The following SFMBT2 variants were observed in gnomAD, a reference collection of about 807,000 sequenced individuals.
The protein encoded by SFMBT2 is scm-like with four MBT domains protein 2.
SFMBT2 carries 38 observed loss-of-function variants against 110.1 expected under a neutral mutation model. That is an observed-to-expected ratio of 0.35 (90% CI 0.27 to 0.45). The LOEUF (loss-of-function observed/expected upper bound fraction) is 0.45, where lower values mean the gene tolerates loss of function less well. Among genes scored for constraint, SFMBT2 ranks in the 20% least tolerant of loss-of-function variants. The probability of loss-of-function intolerance (pLI) is 1.00; values close to 1 mark genes in which losing one functional copy is unlikely to be tolerated. For synonymous variants in SFMBT2, 425 were observed against 425.4 expected, an observed-to-expected ratio of 1.00 and a Z score of 0.01; for missense variants, 1,011 against 1,094.9, an observed-to-expected ratio of 0.92 and a Z score of 1.08.
intron 4 of SFMBT2, among the ~76,000 whole-genome samples, chr10:7,365,326 T>C (rs1325238417): frequency 6.6e-6 from 1 of 152,236 alleles, no homozygotes; most frequent in African/African-American, 2.4e-5. Flanking sequence ...GCGCACGTGC[T>C]TCCTCCTTTC....
chr10:7,359,016 C>T (rs1215383615), intron 4 of SFMBT2, among the ~76,000 whole-genome samples: 3 of 152,218 alleles, frequency 2.0e-5, no homozygotes, highest in Non-Finnish European at 4.4e-5. Context: ...GTGGGAGAAG[C>T]TCCCCAGTCC....
rs376337561 is a variant in SFMBT2 at position 7,214,779 on chromosome 10, ATTAT to A, written c.1330+5628_1330+5631del. The A allele has an allele frequency of 2.5e-5, 25 of 984,872 alleles. No homozygotes were observed. In the African/African-American group the frequency reaches 3.5e-4, roughly 14 times the overall value. 61.0% of individuals were successfully genotyped at this position (984,872 alleles called of 1,614,324 possible). A position where few individuals can be genotyped will look rare whatever the true frequency, so the allele number is the denominator to read the frequency against. On this transcript the variant is annotated intron_variant, in intron 11 of 20. Coordinates refer to ENST00000397167, the MANE Select transcript of SFMBT2 (RefSeq NM_001387889.1). ...TGATACCTGTAGGGTGTGTTTTGTC[ATTAT>A]TTATTTTTCCCACCCATTCAAAGCA...
In SFMBT2 at chr10:7,228,181, T is replaced by A. The variant is rs145232698; in HGVS notation, c.1121-244A>T. On this transcript the variant is annotated intron_variant, in intron 9 of 20. Coordinates refer to ENST00000397167, the MANE Select transcript of SFMBT2 (RefSeq NM_001387889.1). ...GGTGAGGAAGGGTGGAACTTACCCA[T>A]GGCGGCACCAGCCGGTGGGGGGATT... Among the ~76,000 whole-genome samples, 784 of 152,238 alleles carry A rather than the reference T, an allele frequency of 5.1e-3. 6 individuals are homozygous for A. Among genetic ancestry groups the A allele is most frequent in the African/African-American group, 0.018 (739 of 41,548 alleles).
chr10:7,190,728 C>T (rs1489409991), intron 15 of SFMBT2, among the ~76,000 whole-genome samples: 1 of 152,192 alleles, frequency 6.6e-6, no homozygotes, highest in Non-Finnish European at 1.5e-5. Flanking sequence ...TCATTATGTG[C>T]TTGATCAGAG....
At chr10:7,241,577 T>G (rs1449142267) in intron 9 of SFMBT2, among the ~76,000 whole-genome samples, 1 of 152,190 alleles carries the variant, frequency 6.6e-6, no homozygotes, top group Non-Finnish European at 1.5e-5. Context: ...TGATCATAAC[T>G]AAATATTATG....
At position 7,247,690 on chromosome 10, in the gene SFMBT2, C is replaced by T. The variant is rs182382404; in HGVS notation, c.972+858G>A. The stretch of plus-strand genomic sequence containing the variant: ...AAAAGAAATTAAAACAGATTTAAAT[C>T]TTTAATTAAATTCTCCTAGTGAAGT... On this transcript the variant is annotated intron_variant, in intron 8 of 20. Transcript: ENST00000397167. 1.7e-3 allele frequency among the ~76,000 whole-genome samples: 256 copies of T among 152,220 alleles called. 3 individuals are homozygous for T. Among genetic ancestry groups the T allele is most frequent in the African/African-American group, 5.7e-3 (238 of 41,528 alleles).
At chr10:7,410,277 G>T (rs1241681858) in intron 1 of SFMBT2, among the ~76,000 whole-genome samples, 1 of 152,216 alleles carries the variant, frequency 6.6e-6, no homozygotes, top group African/African-American at 2.4e-5. Flanking sequence ...GTTTCCAAGG[G>T]AGCGATTCCG....
intron 15 of SFMBT2, among the ~76,000 whole-genome samples, chr10:7,190,566 A>T (rs1838567927): frequency 1.3e-5 from 2 of 152,240 alleles, no homozygotes; most frequent in Admixed American, 1.3e-4. Flanking sequence ...CAAGCTCTCT[A>T]TAAAACTTTG....
rs140418801 is a variant in SFMBT2, at chr10:7,215,741, C to A, written c.1330+4670G>T. 5 of 985,442 alleles carry A rather than the reference C, an allele frequency of 5.1e-6. No homozygotes were observed. The East Asian group carries it at 5.7e-4, about 112-fold the overall frequency. The allele number at this position is 985,442 out of a possible 1,614,324, so 61.0% of individuals were successfully genotyped here. Reference sequence around the variant, plus strand: ...AAGCCCACTGACTCAACTTCATAGACATCAGGGCCTGACCTGCTTCCCTCC... The same window carrying A: ...AAGCCCACTGACTCAACTTCATAGAAATCAGGGCCTGACCTGCTTCCCTCC... On this transcript the variant is annotated intron_variant, in intron 11 of 20. Transcript: ENST00000397167.
At position 7,227,887 on chromosome 10, in the gene SFMBT2, C is replaced by T. The variant is rs757058342; in HGVS notation, c.1171G>A (p.Ala391Thr). The T allele has an allele frequency of 1.4e-5, 22 of 1,609,374 alleles. No homozygotes were observed. Among genetic ancestry groups the T allele is most frequent in the Non-Finnish European group, 1.8e-5 (21 of 1,178,664 alleles). ...DWADYHKQHGAQEAPPFCFRN... is the reference protein window; with the variant it reads ...DWADYHKQHGTQEAPPFCFRN... ...AAGCAGAAGGGAGGGGCTTCCTGCG[C>T]CCCATGCTGCTTGTGATAATCTGCC... Residue 391 changes from alanine to threonine, a missense_variant, in exon 10 of 21, where the codon GCG becomes ACG. Ala to Thr is a moderately conservative substitution (Grantham distance 58, BLOSUM62 0). Transcript: ENST00000397167.
At chr10:7,292,625 T>A (rs529767895) in intron 4 of SFMBT2, among the ~76,000 whole-genome samples, 53 of 152,322 alleles carry the variant, frequency 3.5e-4, no homozygotes, top group Non-Finnish European at 6.3e-4. Context: ...ATAAAGATTG[T>A]TGGAGGACAA....
In SFMBT2 at chr10:7,172,030, G is replaced by A. The variant is rs755923024; in HGVS notation, c.2280C>T (p.Ala760=). 9.5e-6 allele frequency: 15 copies of A among 1,586,344 alleles called. No homozygotes were observed. The highest frequency in any genetic ancestry group is 6.9e-5 in the East Asian group (3 of 43,544). Residue 760 remains alanine (A), a synonymous_variant, in exon 19 of 21, where the codon GCC becomes GCT. Transcript: ENST00000397167. The surrounding 1 kb of genome is among the most constrained non-coding windows in gnomAD (Gnocchi z 4.6). ...AEVPSARPRR[A]VTLRSGSEPV... is the part of the protein sequence containing the mutation. Reference sequence around the variant, plus strand: ...GCTCTGAGCCGCTCCGCAGGGTGACGGCCCTCCGGGGCCGGGCCGAGGGCA... The same window carrying A: ...GCTCTGAGCCGCTCCGCAGGGTGACAGCCCTCCGGGGCCGGGCCGAGGGCA...
At chr10:7,339,841 G>A (rs1164767164) in intron 4 of SFMBT2, among the ~76,000 whole-genome samples, 1 of 152,194 alleles carries the variant, frequency 6.6e-6, no homozygotes, top group Non-Finnish European at 1.5e-5. Flanking sequence ...TTCTAACAGG[G>A]CTCCCCTCAT....
chr10:7,177,538 G>A (rs1403035618), intron 16 of SFMBT2, among the ~76,000 whole-genome samples: 3 of 152,104 alleles, frequency 2.0e-5, no homozygotes, highest in Non-Finnish European at 2.9e-5. Flanking sequence ...TATAAGGGTG[G>A]GGACCTAATC....
intron 4 of SFMBT2, among the ~76,000 whole-genome samples, chr10:7,351,641 C>T (rs546788530): frequency 6.6e-6 from 1 of 152,140 alleles, no homozygotes; most frequent in African/African-American, 2.4e-5. Flanking sequence ...TATACATAAA[C>T]AATTATATAG....
chr10:7,164,982 C>T (rs562887870), intron 20 of SFMBT2, among the ~76,000 whole-genome samples: 1 of 152,214 alleles, frequency 6.6e-6, no homozygotes, highest in South Asian at 2.1e-4. Context: ...GACCCTTCCA[C>T]TGGACATCTC....
At chr10:7,173,905 T>C (rs560265708) in intron 17 of SFMBT2, among the ~76,000 whole-genome samples, 1 of 152,340 alleles carries the variant, frequency 6.6e-6, no homozygotes, top group South Asian at 2.1e-4. Flanking sequence ...GGCTTTGTCC[T>C]ACAGGTAAGT....
At chr10:7,179,751 C>T (rs1421103323) in intron 16 of SFMBT2, among the ~76,000 whole-genome samples, 3 of 152,220 alleles carry the variant, frequency 2.0e-5, no homozygotes, top group East Asian at 1.9e-4. Flanking sequence ...ATCGGAGCGA[C>T]GGATGAAGGG....
rs76387691 is a variant in SFMBT2, at chr10:7,228,390, A to G, written c.1121-453T>C. The G allele has an allele frequency of 2.3e-5, 14 of 598,750 alleles. No individual in the cohort carries two copies. In the Admixed American group the frequency reaches 1.0e-3, roughly 43 times the overall value. The allele number at this position is 598,750 out of a possible 1,614,324, so 37.1% of individuals were successfully genotyped here. On this transcript the variant is annotated intron_variant, in intron 9 of 20. Coordinates refer to ENST00000397167, the MANE Select transcript of SFMBT2 (RefSeq NM_001387889.1). Reference sequence around the variant, plus strand: ...AAATAAAAAATTAAAAAAAAAAAAAACAAAACAGTACCAGGGACGACTTTT... The same window carrying G: ...AAATAAAAAATTAAAAAAAAAAAAAGCAAAACAGTACCAGGGACGACTTTT...
Sources: allele counts gnomAD v4.1 joint callset (sites outside exome capture counted in the v4.1 genomes callset), GRCh38; gene constraint gnomAD v4.1.1; non-coding constraint Gnocchi (gnomAD v3.1); transcripts MANE v1.5; gene names NCBI Gene and HGNC (gene_info 2026-07-23, HGNC 2026-07-21).